RBFOX1: variants seen among roughly 807,000 people sequenced by gnomAD.
RBFOX1 encodes the protein RNA binding fox-1 homolog 1.
Under a neutral mutation model 57.7 loss-of-function variants are expected in RBFOX1, and 8 were observed. That is an observed-to-expected ratio of 0.14 (90% CI 0.08 to 0.25). The LOEUF (loss-of-function observed/expected upper bound fraction) is 0.25. RBFOX1 is among the 10% of genes least tolerant of loss of function. The pLI is 1.00. For synonymous variants in RBFOX1, 326 were observed against 222.4 expected (o/e 1.47, Z -4.15); for missense variants, 611 against 548.5 (o/e 1.11, Z -1.14).
intron 1 of RBFOX1, among the ~76,000 whole-genome samples, chr16:6,201,532 G>T (rs2097215243): frequency 6.6e-6 from 1 of 152,142 alleles, no homozygotes; most frequent in Non-Finnish European, 1.5e-5. Context: ...AGCCCGGAGT[G>T]GGGAGAGATT....
intron 3 of RBFOX1, among the ~76,000 whole-genome samples, chr16:6,818,275 G>A (rs1036859463): frequency 6.6e-6 from 1 of 151,970 alleles, no homozygotes; most frequent in African/African-American, 2.4e-5. Flanking sequence ...TTGTGTAGCT[G>A]GATTCACCTG....
chr16:6,640,854 GA>G (rs902769258), intron 2 of RBFOX1, among the ~76,000 whole-genome samples: 5 of 151,986 alleles, frequency 3.3e-5, no homozygotes, highest in Non-Finnish European at 7.3e-5. Flanking sequence ...CCCATCTTAG[GA>G]TTAAGGCCAA....
At chr16:5,892,194 G>T (rs545403669) in intron 4 of RBFOX1, among the ~76,000 whole-genome samples, 1 of 152,140 alleles carries the variant, frequency 6.6e-6, no homozygotes, top group African/African-American at 2.4e-5. Context: ...AGAGGGGCTG[G>T]CAGTGCTAGG....
At chr16:6,412,124 C>G (rs1263885443) in intron 2 of RBFOX1, among the ~76,000 whole-genome samples, 3 of 137,342 alleles carry the variant, frequency 2.2e-5, no homozygotes, top group Non-Finnish European at 3.1e-5. Context: ...TAGTGCAAGA[C>G]TCCATGTAAA....
At chr16:7,012,910 C>T (rs1002704071) in intron 3 of RBFOX1, among the ~76,000 whole-genome samples, 1 of 152,058 alleles carries the variant, frequency 6.6e-6, no homozygotes, top group Non-Finnish European at 1.5e-5. Flanking sequence ...GATCAGGGTG[C>T]CAAGATGGTC....
At chr16:7,428,533 ATT>A (rs1379621724) in intron 4 of RBFOX1, among the ~76,000 whole-genome samples, 1 of 144,744 alleles carries the variant, frequency 6.9e-6, no homozygotes. Flanking sequence ...TATTATTATT[ATT>A]ATTATTTGTA....
At chr16:6,554,981 C>T (rs1051295296) in intron 2 of RBFOX1, among the ~76,000 whole-genome samples, 13 of 152,234 alleles carry the variant, frequency 8.5e-5, no homozygotes, top group Admixed American at 7.8e-4. Context: ...GGTTCTTTTC[C>T]CAAAGGAACC....
chr16:6,218,466 A>G (rs1437247691), intron 1 of RBFOX1, among the ~76,000 whole-genome samples: 1 of 151,804 alleles, frequency 6.6e-6, no homozygotes, highest in Non-Finnish European at 1.5e-5. Flanking sequence ...CCACCACCAC[A>G]CCTGGCTAAT....
intron 3 of RBFOX1, among the ~76,000 whole-genome samples, chr16:5,753,101 A>C (rs1206207982): frequency 1.3e-5 from 2 of 152,058 alleles, no homozygotes; most frequent in Non-Finnish European, 2.9e-5. Flanking sequence ...TTGAGACTGC[A>C]GTGAGCTGTG....
chr16:7,007,477 C>T (rs796556464), intron 3 of RBFOX1, among the ~76,000 whole-genome samples: 38 of 152,250 alleles, frequency 2.5e-4, no homozygotes, highest in African/African-American at 8.7e-4. Context: ...TCTAGAAAAT[C>T]CTATTTGTCA....
At chr16:6,168,231 C>G (rs540024884) in intron 1 of RBFOX1, among the ~76,000 whole-genome samples, 5 of 152,326 alleles carry the variant, frequency 3.3e-5, no homozygotes, top group Non-Finnish European at 5.9e-5. Context: ...TTAGTTTAAT[C>G]TGTTCACATG....
Position 6,475,045 on chromosome 16 carries a change from A to C in RBFOX1, c.-64+157988A>C, listed in dbSNP as rs148565511. Among the ~76,000 whole-genome samples, 192 of 152,340 alleles carry C rather than the reference A, an allele frequency of 1.3e-3. 1 individual carries two copies. Among genetic ancestry groups the C allele is most frequent in the African/African-American group, 4.4e-3 (182 of 41,594 alleles). On this transcript the variant is annotated intron_variant, in intron 2 of 15. Transcript: ENST00000550418. ...AGATGAAGGCAGCTTATACAGTAAC[A>C]TCCCAATTGTGTGCTTATAATGTTT... is the stretch of plus-strand genomic sequence containing the variant.
intron 4 of RBFOX1, among the ~76,000 whole-genome samples, chr16:7,283,587 C>T (rs1345014051): frequency 6.6e-6 from 1 of 152,092 alleles, no homozygotes; most frequent in African/African-American, 2.4e-5. Context: ...TCCCCTAGAT[C>T]GCCTCTCCCT....
At chr16:7,367,953 T>A (rs1054416812) in intron 4 of RBFOX1, among the ~76,000 whole-genome samples, 1 of 150,624 alleles carries the variant, frequency 6.6e-6, no homozygotes, top group African/African-American at 2.5e-5. Context: ...AGCCCAAGGG[T>A]CACCAGTTTA....
intron 1 of RBFOX1, among the ~76,000 whole-genome samples, chr16:6,021,257 C>A (rs1158094004): frequency 6.6e-6 from 1 of 152,074 alleles, no homozygotes; most frequent in East Asian, 1.9e-4. Context: ...GCCTTGACAG[C>A]CCAAGTTTAG....
intron 4 of RBFOX1, among the ~76,000 whole-genome samples, chr16:5,939,594 T>C (rs983526632): frequency 2.6e-5 from 4 of 152,232 alleles, no homozygotes; most frequent in African/African-American, 9.6e-5. Flanking sequence ...CAGTGCCTTT[T>C]ATGACACAAT....
chr16:5,635,070 T>C (rs8064054), intron 3 of RBFOX1, among the ~76,000 whole-genome samples: 53,909 of 152,070 alleles, frequency 0.35, 12,980 homozygotes, highest in African/African-American at 0.68. Context: ...AGGGGAAATA[T>C]GCTAGCCAGC....
At chr16:7,051,645 T>TTTGTG (rs2050123288) in intron 3 of RBFOX1, among the ~76,000 whole-genome samples, 1 of 152,160 alleles carries the variant, frequency 6.6e-6, no homozygotes, top group Non-Finnish European at 1.5e-5. Context: ...TGGAGAAGAC[T>TTTGTG]TTGTGTGTTT....
At chr16:6,061,683 C>T (rs532818777) in intron 1 of RBFOX1, among the ~76,000 whole-genome samples, 107 of 152,054 alleles carry the variant, frequency 7.0e-4, no homozygotes, top group African/African-American at 2.5e-3. Context: ...AATCTATGTA[C>T]ATAGATTTAA....
Sources: allele counts gnomAD v4.1 joint callset (sites outside exome capture counted in the v4.1 genomes callset), GRCh38; gene constraint gnomAD v4.1.1; transcripts MANE v1.5; gene names NCBI Gene and HGNC (gene_info 2026-07-23, HGNC 2026-07-21).